Variants in CCDC149 observed in about 807,000 individuals in gnomAD.
CCDC149 encodes coiled-coil domain-containing protein 149.
CCDC149 carries 45 observed loss-of-function variants against 59.9 expected under a neutral mutation model. The observed-to-expected ratio is 0.75, with a 90% confidence interval of 0.59 to 0.96. CCDC149 has a LOEUF of 0.96. Ranked by LOEUF, CCDC149 falls within the 40% of genes least tolerant of loss-of-function variation. The pLI, the probability that CCDC149 is intolerant of heterozygous loss-of-function variation, is 0.00. For synonymous variants in CCDC149, 245 were observed against 260.6 expected, an observed-to-expected ratio of 0.94 and a Z score of 0.58; for missense variants, 584 against 664.7, an observed-to-expected ratio of 0.88 and a Z score of 1.33.
chr4:24,951,933 T>A (rs1050996296), intron 1 of CCDC149, among the ~76,000 whole-genome samples: 5 of 152,194 alleles, frequency 3.3e-5, no homozygotes, highest in African/African-American at 1.2e-4. Context: ...GCACCTTTGG[T>A]CTTAGAAGAA....
At chr4:24,972,189 C>T (rs1723987601) in intron 1 of CCDC149, among the ~76,000 whole-genome samples, 1 of 152,224 alleles carries the variant, frequency 6.6e-6, no homozygotes, top group African/African-American at 2.4e-5. Flanking sequence ...TGACTATTTT[C>T]ACAGACAGAG....
chr4:24,877,679 C>T (rs1022703278), intron 1 of CCDC149, among the ~76,000 whole-genome samples: 1 of 152,192 alleles, frequency 6.6e-6, no homozygotes, highest in Admixed American at 6.5e-5. Context: ...ATCCAGAGAC[C>T]AATCTTAGGA....
chr4:24,804,204 G>A (rs1655602151), downstream of CCDC149, among the ~76,000 whole-genome samples: 1 of 152,114 alleles, frequency 6.6e-6, no homozygotes, highest in African/African-American at 2.4e-5. Context: ...AAAAGAAGGA[G>A]GGTACAGGCC....
intron 4 of CCDC149, among the ~76,000 whole-genome samples, chr4:24,841,202 C>T (rs556558448): frequency 1.3e-5 from 2 of 152,136 alleles, no homozygotes; most frequent in African/African-American, 4.8e-5. Flanking sequence ...AGGCTCAGGT[C>T]GTGTCTTCAA....
At chr4:24,926,299 T>C (rs1722432653) in intron 1 of CCDC149, among the ~76,000 whole-genome samples, 1 of 152,270 alleles carries the variant, frequency 6.6e-6, no homozygotes, top group Non-Finnish European at 1.5e-5. Context: ...ATGCTTTGCC[T>C]GAAATCAAGT....
At chr4:24,839,733 T>C (rs6850221) in intron 4 of CCDC149, among the ~76,000 whole-genome samples, 2,076 of 152,242 alleles carry the variant, frequency 0.014, 52 homozygotes, top group African/African-American at 0.047. Context: ...GCATCCCCTA[T>C]CTGCCCATCA....
At chr4:24,803,775 T>C (rs1421896047), downstream of CCDC149, among the ~76,000 whole-genome samples, 1 of 152,230 alleles carries the variant, frequency 6.6e-6, no homozygotes, top group African/African-American at 2.4e-5. The surrounding 1 kb of genome is among the most constrained non-coding windows in gnomAD (Gnocchi z 4.3). Flanking sequence ...CTTTTCAATA[T>C]TATGCAAACT....
intron 1 of CCDC149, among the ~76,000 whole-genome samples, chr4:24,903,930 A>G (rs1171816182): frequency 6.6e-6 from 1 of 151,490 alleles, no homozygotes; most frequent in African/African-American, 2.4e-5. Context: ...TCTCCTGGGT[A>G]ACTGGGATTA....
chr4:24,876,594 A>G lies in CCDC149; in HGVS notation c.167T>C (p.Met56Thr), dbSNP rs757002053. 2 of 1,614,034 alleles carry G rather than the reference A, an allele frequency of 1.2e-6. No individual in the cohort carries two copies. The highest frequency in any genetic ancestry group is 2.7e-5 in the African/African-American group (2 of 74,924). Residue 56 changes from methionine to threonine, a missense_variant, in exon 2 of 13, where the codon ATG becomes ACG. Transcript: ENST00000635206. ...GTGGCGCTCCCGGAGCTGATTGGCCATGAGTTTGTACTGGTCCCTTTCCTG... is the reference window on the plus strand; with the variant it reads ...GTGGCGCTCCCGGAGCTGATTGGCCGTGAGTTTGTACTGGTCCCTTTCCTG...
At chr4:24,844,704 C>T (rs555427398) in intron 4 of CCDC149, among the ~76,000 whole-genome samples, 4 of 152,092 alleles carry the variant, frequency 2.6e-5, no homozygotes, top group African/African-American at 7.2e-5. Context: ...ACCCGGGAGG[C>T]GGAGGTTGCA....
chr4:24,817,623 C>T (rs747949118), intron 12 of CCDC149, among the ~76,000 whole-genome samples: 9 of 151,892 alleles, frequency 5.9e-5, no homozygotes, highest in African/African-American at 9.7e-5. Context: ...TTATTTTTCA[C>T]GAGTCTTTGG....
chr4:24,888,781 T>C (rs996481322), intron 1 of CCDC149, among the ~76,000 whole-genome samples: 8 of 152,178 alleles, frequency 5.3e-5, no homozygotes, highest in African/African-American at 1.9e-4. Context: ...CTATAGTCCA[T>C]CCTCCAATTG....
intron 1 of CCDC149, among the ~76,000 whole-genome samples, chr4:24,886,085 C>T (rs918018027): frequency 6.6e-6 from 1 of 152,208 alleles, no homozygotes; most frequent in African/African-American, 2.4e-5. Flanking sequence ...ATTTATCCTT[C>T]ATCACAAAGG....
chr4:24,848,231 C>T (rs1717431700), intron 4 of CCDC149, among the ~76,000 whole-genome samples: 1 of 152,118 alleles, frequency 6.6e-6, no homozygotes, highest in Non-Finnish European at 1.5e-5. Context: ...ATCAGGTCAA[C>T]TGTCACAGTA....
chr4:24,872,154 CA>C (rs1178130125), intron 3 of CCDC149, among the ~76,000 whole-genome samples: 1 of 152,070 alleles, frequency 6.6e-6, no homozygotes, highest in East Asian at 1.9e-4. Context: ...TCAGGGAGCT[CA>C]AAGGAACAGA....
chr4:24,852,959 T>A, intron 4 of CCDC149, 113 bp downstream of exon 4: 2 of 716,038 alleles, frequency 2.8e-6, no homozygotes, highest in Admixed American at 2.6e-5. Context: ...AATTTAAAAA[T>A]CTATAACAAA....
At chr4:24,902,923 G>A (rs1381794564) in intron 1 of CCDC149, among the ~76,000 whole-genome samples, 1 of 149,956 alleles carries the variant, frequency 6.7e-6, no homozygotes, top group Non-Finnish European at 1.5e-5. Context: ...TATTCAGGAG[G>A]CTGAGGCTGG....
intron 1 of CCDC149, among the ~76,000 whole-genome samples, chr4:24,937,475 T>C (rs1044202509): frequency 1.3e-5 from 2 of 152,216 alleles, no homozygotes; most frequent in African/African-American, 4.8e-5. Context: ...ACAAATAGGT[T>C]ATGCTGCAGT....
At chr4:24,819,278 G>C (rs1451334621) in intron 12 of CCDC149, among the ~76,000 whole-genome samples, 1 of 152,218 alleles carries the variant, frequency 6.6e-6, no homozygotes, top group African/African-American at 2.4e-5. Context: ...CCAATGTGAT[G>C]TGGACCTGGC....
Sources: allele counts gnomAD v4.1 joint callset (sites outside exome capture counted in the v4.1 genomes callset), GRCh38; gene constraint gnomAD v4.1.1; non-coding constraint Gnocchi (gnomAD v3.1); transcripts MANE v1.5; gene names NCBI Gene and HGNC (gene_info 2026-07-23, HGNC 2026-07-21).